Variants in FAM151B observed in about 807,000 individuals in gnomAD.
FAM151B encodes family with sequence similarity 151 member B.
Under a neutral mutation model 31.2 loss-of-function variants are expected in FAM151B, and 24 were observed. The ratio of observed to expected loss-of-function variants is 0.77; its 90% CI spans 0.56 to 1.08. FAM151B has a LOEUF of 1.08. FAM151B is among the 50% of genes least tolerant of loss of function. The pLI, the probability that FAM151B is intolerant of heterozygous loss-of-function variation, is 0.00. For synonymous variants in FAM151B, 105 were observed against 111.4 expected (o/e 0.94, Z 0.36); for missense variants, 293 against 328.6 (o/e 0.89, Z 0.84).
intron 5 of FAM151B, among the ~76,000 whole-genome samples, chr5:80,528,624 G>C (rs1483126974): frequency 1.3e-5 from 2 of 152,016 alleles, no homozygotes; most frequent in East Asian, 1.9e-4. Context: ...GGGTGTGGTG[G>C]CATGTGCCTG....
At chr5:80,515,614 CAAAAGCGCTGAGCCTCTGAAACAAAGA>C (rs1326010441) in intron 3 of FAM151B, among the ~76,000 whole-genome samples, 2 of 152,118 alleles carry the variant, frequency 1.3e-5, no homozygotes, top group African/African-American at 4.8e-5. Flanking sequence ...GCAGCTAGCA[CAAAAGCGCTGAGCCTCTGAAACAAAGA>C]TTTTGCAAGT....
intron 3 of FAM151B, among the ~76,000 whole-genome samples, chr5:80,518,446 T>C (rs2443555): frequency 0.78 from 118,820 of 152,096 alleles, 46,660 homozygotes; most frequent in African/African-American, 0.84. Context: ...GGAAGTACAG[T>C]GTTGGATCTC....
chr5:80,524,073 A>G (rs1460609507), intron 5 of FAM151B, among the ~76,000 whole-genome samples: 1 of 152,190 alleles, frequency 6.6e-6, no homozygotes, highest in Non-Finnish European at 1.5e-5. Context: ...TTGAAATTAA[A>G]GCATTACATT....
intron 1 of FAM151B, among the ~76,000 whole-genome samples, chr5:80,496,901 C>A (rs1743563121): frequency 1.4e-5 from 2 of 142,498 alleles, no homozygotes; most frequent in South Asian, 4.5e-4. Context: ...ACCTCTACCT[C>A]CTGGGTTCGA....
chr5:80,498,494 G>T, intron 1 of FAM151B: 1 of 751,704 alleles, frequency 1.3e-6, no homozygotes, highest in East Asian at 2.9e-5. Context: ...TTTTAAAAAA[G>T]ATGTTAGCTC....
At chr5:80,513,532 C>G (rs1744280680) in intron 2 of FAM151B, 72 bp from the exon 3 acceptor site, 2 of 1,403,126 alleles carry the variant, frequency 1.4e-6, no homozygotes, top group Admixed American at 2.3e-5. Flanking sequence ...CAAAAGGATA[C>G]TGAACATGGT....
intron 1 of FAM151B, chr5:80,498,914 A>G (rs148061654): frequency 0.012 from 3,694 of 307,078 alleles, 40 homozygotes; most frequent in Middle Eastern, 0.018. Context: ...TACCTTTTCT[A>G]TTGTGTCCGA....
chr5:80,527,789 A>G (rs1745040282), intron 5 of FAM151B, among the ~76,000 whole-genome samples: 1 of 152,230 alleles, frequency 6.6e-6, no homozygotes. Context: ...ACACTACTGT[A>G]GACTTTATAA....
At chr5:80,538,460 T>TTCTTTC (rs1745673246) in intron 5 of FAM151B, among the ~76,000 whole-genome samples, 16 of 82,112 alleles carry the variant, frequency 1.9e-4, no homozygotes, top group East Asian at 6.3e-4. Context: ...CTTTCTTTCT[T>TTCTTTC]TCTTTCTTTC....
intron 5 of FAM151B, 128 bp from the exon 6 acceptor site, chr5:80,541,542 CCAT>C (rs1263615659): frequency 2.5e-5 from 20 of 787,278 alleles, no homozygotes; most frequent in African/African-American, 5.3e-5. Flanking sequence ...TACAGTTACA[CCAT>C]TGCTGATTAA....
At chr5:80,490,105 C>A (rs746576428) in intron 1 of FAM151B, among the ~76,000 whole-genome samples, 18 of 145,458 alleles carry the variant, frequency 1.2e-4, no homozygotes, top group Non-Finnish European at 2.3e-4. Context: ...GTGAAAAGTT[C>A]CGTCCTGGCC....
chr5:80,540,763 G>A (rs1258793634), intron 5 of FAM151B, among the ~76,000 whole-genome samples: 1 of 152,066 alleles, frequency 6.6e-6, no homozygotes, highest in East Asian at 1.9e-4. Context: ...AATTCTTTTT[G>A]GTTTCTAATA....
rs61734947 is a variant in FAM151B, at chr5:80,519,727, G to C, written c.352G>C (p.Glu118Gln). 515 of 1,614,098 alleles carry C rather than the reference G, an allele frequency of 3.2e-4. 2 individuals carry two copies. In the African/African-American group the frequency reaches 5.8e-3, roughly 18 times the overall value. ...AVVEPSMMLL[E>Q]NVKRHLKRPV... ...TGTAGAACCATCCATGATGCTCTTG[G>C]AAAATGTGAAGAGGCATCTGAAGCG... The change falls in exon 4 of 6, where the codon GAA (glutamate) becomes CAA (glutamine). Residue 118 changes from glutamate (E) to glutamine (Q), a missense_variant. By Grantham distance (29) the Glu-to-Gln change is conservative (BLOSUM62 2). Coordinates refer to ENST00000282226, the MANE Select transcript of FAM151B (RefSeq NM_205548.3).
chr5:80,491,027 G>A (rs1743313748), intron 1 of FAM151B, among the ~76,000 whole-genome samples: 1 of 152,002 alleles, frequency 6.6e-6, no homozygotes, highest in African/African-American at 2.4e-5. Flanking sequence ...ATTTTTAATT[G>A]ACAAATAATA....
intron 2 of FAM151B, among the ~76,000 whole-genome samples, chr5:80,504,386 C>CT (rs1317549465): frequency 6.6e-6 from 1 of 151,776 alleles, no homozygotes; most frequent in Admixed American, 6.6e-5. Flanking sequence ...GTAGTTCCCC[C>CT]TTTTTTTTCA....
At chr5:80,500,580 C>T in intron 1 of FAM151B, 2 of 756,290 alleles carry the variant, frequency 2.6e-6, no homozygotes, top group Non-Finnish European at 4.8e-6. Flanking sequence ...TTCTGTGTAC[C>T]TGCAGAACCC....
chr5:80,519,636 ACTT>A, intron 3 of FAM151B, 54 bp from the exon 4 acceptor site: 1 of 1,455,128 alleles, frequency 6.9e-7, no homozygotes, highest in Non-Finnish European at 9.5e-7. Flanking sequence ...GTCTAAAAGA[ACTT>A]CTTTTTACTT....
intron 5 of FAM151B, among the ~76,000 whole-genome samples, chr5:80,540,971 T>A (rs142768327): frequency 6.6e-6 from 1 of 152,254 alleles, no homozygotes; most frequent in African/African-American, 2.4e-5. Context: ...AATATAAATA[T>A]GAAACTGCTT....
intron 1 of FAM151B, among the ~76,000 whole-genome samples, chr5:80,489,857 G>T (rs1487399167): frequency 6.6e-6 from 1 of 151,724 alleles, no homozygotes; most frequent in Non-Finnish European, 1.5e-5. Flanking sequence ...CCGGGAGGCG[G>T]AGCTTGCGGT....
Sources: gnomAD v4.1 joint callset for allele counts (sites outside exome capture counted in the v4.1 genomes callset) on GRCh38, gnomAD v4.1.1 for gene constraint, MANE v1.5 for transcripts, NCBI Gene and HGNC (gene_info 2026-07-23, HGNC 2026-07-21) for gene names.